TBC1D16: variants seen among roughly 807,000 people sequenced by gnomAD.
TBC1D16 encodes TBC1 domain family member 16.
TBC1D16 carries 58 observed loss-of-function variants against 74.7 expected under a neutral mutation model. The ratio of observed to expected loss-of-function variants is 0.78; its 90% CI spans 0.63 to 0.97. The LOEUF (loss-of-function observed/expected upper bound fraction) is 0.97, where lower values mean the gene tolerates loss of function less well. TBC1D16 is among the 50% of genes least tolerant of loss of function. TBC1D16 has a pLI of 0.00. For missense variants in TBC1D16, 1,014 were observed against 1,079.5 expected, an observed-to-expected ratio of 0.94 and a Z score of 0.85; for synonymous variants, 493 against 474.7, an observed-to-expected ratio of 1.04 and a Z score of -0.50.
At chr17:79,949,138 G>A (rs914897733) in intron 7 of TBC1D16, 132 bp from the exon 8 acceptor site, 4 of 1,173,372 alleles carry the variant, frequency 3.4e-6, no homozygotes, top group African/African-American at 1.5e-5. Flanking sequence ...GCTGCTGCCG[G>A]CTGCAGACCC....
chr17:79,958,655 A>G (rs2033456106), intron 3 of TBC1D16, among the ~76,000 whole-genome samples: 2 of 152,258 alleles, frequency 1.3e-5, no homozygotes, highest in South Asian at 2.1e-4. Context: ...ATAAAGGCAT[A>G]CATGCACAGA....
At position 79,961,943 on chromosome 17, in the gene TBC1D16, T is replaced by G. The variant is rs1167858694; in HGVS notation, c.780-9125A>C. ...CAGGGTTTATCAACAGCCAATGCAG[T>G]AATGAATCGTGGTCTGTACATACCA... On this transcript the variant is annotated intron_variant, in intron 3 of 11. Coordinates refer to ENST00000310924, the MANE Select transcript of TBC1D16 (RefSeq NM_019020.4). This position sits in a 1 kb window ranked among gnomAD's most constrained non-coding sequence, Gnocchi z 4.8. 1.3e-5 allele frequency among the ~76,000 whole-genome samples: 2 copies of G among 152,162 alleles called. No individual in the cohort carries two copies. The highest frequency in any genetic ancestry group is 4.8e-5 in the African/African-American group (2 of 41,434).
At position 79,950,413 on chromosome 17, in the gene TBC1D16, T is replaced by G. The variant is rs199751587; in HGVS notation, c.1255A>C (p.Lys419Gln). ...AGCTGGGCGGACCCGGACCTCACCT[T>G]CCGCAGCTTGTACTCCTCCTCCACC... ...GQVEEEYKLR[K>Q]AIFFGGIDVS... Residue 419 changes from lysine to glutamine, a missense_variant and splice_region_variant, in exon 6 of 12, where the codon AAG becomes CAG. By Grantham distance (53) the Lys-to-Gln change is moderately conservative. Coordinates refer to ENST00000310924, the MANE Select transcript of TBC1D16 (RefSeq NM_019020.4). This position sits in a 1 kb window ranked among gnomAD's most constrained non-coding sequence, Gnocchi z 4.6. 1.2e-6 allele frequency: 2 copies of G among 1,607,670 alleles called. No homozygotes were observed. The highest frequency in any genetic ancestry group is 2.2e-5 in the East Asian group (1 of 44,724).
Position 79,944,163 on chromosome 17 carries a change from T to C in TBC1D16, c.1908+745A>G. ...ACGCAAATGTCTTCCAGCAGATGGG[T>C]GTTTGCCTCCATCTTCAGGGTTCTC... is the stretch of plus-strand genomic sequence containing the variant. On this transcript the variant is annotated intron_variant, in intron 10 of 11. Coordinates refer to ENST00000310924, the MANE Select transcript of TBC1D16 (RefSeq NM_019020.4). This position sits in a 1 kb window ranked among gnomAD's most constrained non-coding sequence, Gnocchi z 7.7. The C allele has an allele frequency of 1.3e-6, 2 of 1,533,728 alleles. No homozygotes were observed. Among genetic ancestry groups the C allele is most frequent in the Non-Finnish European group, 1.7e-6 (2 of 1,144,922 alleles).
chr17:79,941,550 C>G lies in TBC1D16; in HGVS notation c.2056-443G>C, dbSNP rs930226206. Among the ~76,000 whole-genome samples the G allele has an allele frequency of 1.2e-4, 18 of 152,116 alleles. No individual in the cohort carries two copies. The highest frequency in any genetic ancestry group is 2.4e-4 in the Non-Finnish European group (16 of 67,990). On this transcript the variant is annotated intron_variant, in intron 11 of 11. Coordinates refer to ENST00000310924, the MANE Select transcript of TBC1D16 (RefSeq NM_019020.4). The surrounding 1 kb of genome is among the most constrained non-coding windows in gnomAD (Gnocchi z 4.3). Reference sequence around the variant, plus strand: ...ATCTGTGTCCTGTGCCAGAGGACACCACCGACCTCGGGACCCCCGCTCAGT... The same window carrying G: ...ATCTGTGTCCTGTGCCAGAGGACACGACCGACCTCGGGACCCCCGCTCAGT...
At position 79,933,428 on chromosome 17, in the gene TBC1D16, TA is replaced by T. The variant is rs2031383629; in HGVS notation, c.*7430del. 1 of 152,164 alleles carries T rather than the reference TA, an allele frequency of 6.6e-6. No homozygotes were observed. The highest frequency in any genetic ancestry group is 2.4e-5 in the African/African-American group (1 of 41,444). The allele number at this position is 152,164 out of a possible 1,614,324, so 9.4% of individuals were successfully genotyped here. A position where few individuals can be genotyped will look rare whatever the true frequency, so the allele number is the denominator to read the frequency against. On this transcript the variant is annotated 3_prime_UTR_variant, in exon 12 of 12. Coordinates refer to ENST00000310924, the MANE Select transcript of TBC1D16 (RefSeq NM_019020.4). ...TGGACAAAGGGTGTCCCGACGACGA[TA>T]AAGAGCCAGGAGCAGAGAGCCCTGC...
rs371768939 is a variant in TBC1D16 at position 79,941,082 on chromosome 17, C to T, written c.2081G>A (p.Arg694His). The T allele has an allele frequency of 2.7e-5, 43 of 1,587,940 alleles. No homozygotes were observed. Among genetic ancestry groups the T allele is most frequent in the Non-Finnish European group, 3.3e-5 (38 of 1,166,600 alleles). The change falls in exon 12 of 12, where the codon CGC (arginine) becomes CAC (histidine). Residue 694 changes from arginine (R) to histidine (H), a missense_variant. Arg to His is a conservative substitution (Grantham distance 29). Coordinates refer to ENST00000310924, the MANE Select transcript of TBC1D16 (RefSeq NM_019020.4). This position sits in a 1 kb window ranked among gnomAD's most constrained non-coding sequence, Gnocchi z 4.3. ...RKARSLLYQFRLLPRIPCSLH... is the reference protein window; with the variant it reads ...RKARSLLYQFHLLPRIPCSLH... ...GCTGCAGGGGATCCGGGGCAGGAGGCGGAACTGGTACAGCAAACTCCTCGC... is the reference window on the plus strand; with the variant it reads ...GCTGCAGGGGATCCGGGGCAGGAGGTGGAACTGGTACAGCAAACTCCTCGC...
chr17:79,959,910 C>T (rs2033516966), intron 3 of TBC1D16, among the ~76,000 whole-genome samples: 1 of 149,118 alleles, frequency 6.7e-6, no homozygotes, highest in Admixed American at 6.7e-5. Context: ...TTAAAGGAAA[C>T]AAAAATGCAA....
rs1038125577 is a variant in TBC1D16, at chr17:79,979,206, C to G, written c.780-26388G>C. Among the ~76,000 whole-genome samples the G allele has an allele frequency of 2.8e-4, 42 of 152,142 alleles. No homozygotes were observed. The highest frequency in any genetic ancestry group is 1.0e-3 in the African/African-American group (42 of 41,426). ...AGGAGCTGGGCAGGGAAGGCCAGAGCACACACGCTCCGGGGACGCACACCC... is the reference window on the plus strand; with the variant it reads ...AGGAGCTGGGCAGGGAAGGCCAGAGGACACACGCTCCGGGGACGCACACCC... On this transcript the variant is annotated intron_variant, in intron 3 of 11. Coordinates refer to ENST00000310924, the MANE Select transcript of TBC1D16 (RefSeq NM_019020.4). The surrounding 1 kb of genome is among the most constrained non-coding windows in gnomAD (Gnocchi z 4.8).
chr17:79,953,749 ATTTTTTCT>A (rs892803968), intron 3 of TBC1D16, among the ~76,000 whole-genome samples: 22 of 151,434 alleles, frequency 1.5e-4, no homozygotes, highest in Non-Finnish European at 3.2e-4. Context: ...GTCTCTTGAG[ATTTTTTCT>A]TTTTTTCTTT....
intron 1 of TBC1D16, among the ~76,000 whole-genome samples, chr17:80,033,352 TTTGTTG>T (rs138650758): frequency 0.055 from 8,396 of 151,604 alleles, 708 homozygotes; most frequent in African/African-American, 0.18. Flanking sequence ...TTGTTGTTGT[TTTGTTG>T]TTGTTGTTGT....
intron 1 of TBC1D16, among the ~76,000 whole-genome samples, chr17:80,027,751 G>A (rs999462837): frequency 6.6e-6 from 1 of 152,036 alleles, no homozygotes; most frequent in Admixed American, 6.6e-5. Context: ...AACTAGCTGG[G>A]CATGGTGGCA....
At chr17:80,029,879 G>A (rs918975394) in intron 1 of TBC1D16, among the ~76,000 whole-genome samples, 1 of 152,150 alleles carries the variant, frequency 6.6e-6, no homozygotes, top group Admixed American at 6.5e-5. Flanking sequence ...CCTCCTGGAG[G>A]CTCTAAGGGA....
In TBC1D16 at chr17:79,950,382, G is replaced by A. The variant is rs769962272; in HGVS notation, c.1257+29C>T. On this transcript the variant is annotated intron_variant, in intron 6 of 11. Coordinates refer to ENST00000310924, the MANE Select transcript of TBC1D16 (RefSeq NM_019020.4). This position sits in a 1 kb window ranked among gnomAD's most constrained non-coding sequence, Gnocchi z 4.6. ...TCCCGGTTCCCGGCCGGCTCTCCGCGGGGCCAGCTGGGCGGACCCGGACCT... is the reference window on the plus strand; with the variant it reads ...TCCCGGTTCCCGGCCGGCTCTCCGCAGGGCCAGCTGGGCGGACCCGGACCT... The A allele has an allele frequency of 3.2e-6, 5 of 1,570,856 alleles. No individual in the cohort carries two copies. In the African/African-American group the frequency reaches 4.1e-5, roughly 13 times the overall value.
intron 3 of TBC1D16, among the ~76,000 whole-genome samples, chr17:79,999,914 C>T (rs894786222): frequency 4.6e-5 from 7 of 152,018 alleles, no homozygotes; most frequent in African/African-American, 2.4e-5. Flanking sequence ...GTGTCTTTGC[C>T]GGGGCCCCAG....
Position 80,025,115 on chromosome 17 carries a change from C to CACACCATGACACACA in TBC1D16, c.-63+10679_-63+10680insTGTGTGTCATGGTGT, listed in dbSNP as rs1378974240. ...CACACACACCATATACACACAAACA[C>CACACCATGACACACA]CACAGACACACACACACCATAGGCA... On this transcript the variant is annotated intron_variant, in intron 1 of 11. Coordinates refer to ENST00000310924, the MANE Select transcript of TBC1D16 (RefSeq NM_019020.4). Among the ~76,000 whole-genome samples the CACACCATGACACACA allele has an allele frequency of 1.6e-4, 13 of 81,802 alleles. 1 individual carries two copies. The highest frequency in any genetic ancestry group is 7.7e-4 in the South Asian group (2 of 2,584). The allele number at this position is 81,802 out of a possible 152,430, so 53.7% of individuals were successfully genotyped here.
intron 5 of TBC1D16, among the ~76,000 whole-genome samples, chr17:79,951,013 C>T (rs2033011272): frequency 6.6e-6 from 1 of 152,126 alleles, no homozygotes; most frequent in Non-Finnish European, 1.5e-5. Flanking sequence ...CTGCAGCTGA[C>T]ATTTAATTCA....
chr17:79,960,779 C>CAAAAAAAAAAAAAAACAAAAAAAAAA (rs2033560938), intron 3 of TBC1D16, among the ~76,000 whole-genome samples: 3 of 33,946 alleles, frequency 8.8e-5, no homozygotes, highest in Non-Finnish European at 1.7e-4. Flanking sequence ...AACAAAAACC[C>CAAAAAAAAAAAAAAACAAAAAAAAAA]AAAAAAAAAA....
rs1290021344 is a variant in TBC1D16, at chr17:79,980,834, G to A, written c.780-28016C>T. ...CTGGGACTGCCCGAATCTGTGCCCT[G>A]GTCCCCGTTACTGTTCCTGCAGGCT... is the stretch of plus-strand genomic sequence containing the variant. On this transcript the variant is annotated intron_variant, in intron 3 of 11. Coordinates refer to ENST00000310924, the MANE Select transcript of TBC1D16 (RefSeq NM_019020.4). The surrounding 1 kb of genome is among the most constrained non-coding windows in gnomAD (Gnocchi z 7.0). Among the ~76,000 whole-genome samples the A allele has an allele frequency of 6.6e-6, 1 of 152,176 alleles. No individual in the cohort carries two copies. Among genetic ancestry groups the A allele is most frequent in the Non-Finnish European group, 1.5e-5 (1 of 68,028 alleles).
Sources: allele counts gnomAD v4.1 joint callset (sites outside exome capture counted in the v4.1 genomes callset), GRCh38; gene constraint gnomAD v4.1.1; non-coding constraint Gnocchi (gnomAD v3.1); transcripts MANE v1.5; gene names NCBI Gene and HGNC (gene_info 2026-07-23, HGNC 2026-07-21).